TBCK: variants seen among roughly 807,000 people sequenced by gnomAD.
TBCK encodes the protein TBC1 domain containing kinase.
A neutral mutation model predicts 113.4 loss-of-function variants in TBCK; 99 were observed. The ratio of observed to expected loss-of-function variants is 0.87; its 90% CI spans 0.74 to 1.03. The LOEUF is 1.03. Ranked by LOEUF, TBCK falls within the 50% of genes least tolerant of loss-of-function variation. The probability of loss-of-function intolerance (pLI) is 0.00; values close to 1 mark genes in which losing one functional copy is unlikely to be tolerated. For missense variants in TBCK, 1,045 were observed against 1,061.3 expected (o/e 0.98, Z 0.21); for synonymous variants, 369 against 370.8 (o/e 1.00, Z 0.05).
intron 25 of TBCK, among the ~76,000 whole-genome samples, chr4:106,062,961 T>C (rs1578783130): frequency 1.3e-5 from 2 of 152,066 alleles, no homozygotes; most frequent in South Asian, 4.1e-4. Flanking sequence ...CTTTGCTTTT[T>C]ACTACACAAA....
At chr4:106,075,618 A>AATTG (rs1738094027) in intron 25 of TBCK, among the ~76,000 whole-genome samples, 1 of 152,216 alleles carries the variant, frequency 6.6e-6, no homozygotes, top group Non-Finnish European at 1.5e-5. Flanking sequence ...TGACGTATTT[A>AATTG]ATTGATTATT....
chr4:106,290,667 C>T (rs957609067), intron 3 of TBCK, among the ~76,000 whole-genome samples: 1 of 152,078 alleles, frequency 6.6e-6, no homozygotes, highest in African/African-American at 2.4e-5. Flanking sequence ...GGGTTCCCAA[C>T]CCCCCCACCA....
chr4:106,276,339 T>A (rs1470045424), intron 3 of TBCK, among the ~76,000 whole-genome samples: 2 of 152,098 alleles, frequency 1.3e-5, no homozygotes, highest in Admixed American at 6.6e-5. Context: ...GACTTCGGAG[T>A]AGGCAAAGGT....
Position 106,237,638 on chromosome 4 carries a change from T to G in TBCK, c.1171-830A>C, listed in dbSNP as rs1430787748. Reference sequence around the variant, plus strand: ...CACCCATGTGAGTTATTCCCAGAATTTTTAAAGCTTAAGAAAAATCTTTTA... The same window carrying G: ...CACCCATGTGAGTTATTCCCAGAATGTTTAAAGCTTAAGAAAAATCTTTTA... On this transcript the variant is annotated intron_variant, in intron 12 of 25. Coordinates refer to ENST00000394708, the MANE Select transcript of TBCK (RefSeq NM_001163435.3). The G allele has an allele frequency of 1.5e-5, 6 of 402,734 alleles. No homozygotes were observed. In the Admixed American group the frequency reaches 1.5e-4, roughly 10 times the overall value. 24.9% of individuals were successfully genotyped at this position (402,734 alleles called of 1,614,324 possible). A position where few individuals can be genotyped will look rare whatever the true frequency, so the allele number is the denominator to read the frequency against.
intron 19 of TBCK, among the ~76,000 whole-genome samples, chr4:106,226,252 G>GT (rs1266053733): frequency 6.6e-6 from 1 of 152,210 alleles, no homozygotes; most frequent in Admixed American, 6.5e-5. Context: ...TACAATGTAT[G>GT]TATCTGAGAT....
intron 23 of TBCK, among the ~76,000 whole-genome samples, chr4:106,150,610 A>C (rs1465546278): frequency 2.6e-5 from 4 of 152,092 alleles, no homozygotes; most frequent in Admixed American, 1.3e-4. Flanking sequence ...CACTAAAAAA[A>C]TTATTCAATA....
intron 22 of TBCK, among the ~76,000 whole-genome samples, chr4:106,174,407 A>G (rs1751388254): frequency 6.6e-6 from 1 of 152,066 alleles, no homozygotes; most frequent in Non-Finnish European, 1.5e-5. Flanking sequence ...TCTAGGGTTG[A>G]ATTTTTTTCT....
intron 25 of TBCK, among the ~76,000 whole-genome samples, chr4:106,082,873 T>G (rs1391171866): frequency 6.6e-6 from 1 of 152,178 alleles, no homozygotes; most frequent in Non-Finnish European, 1.5e-5. Flanking sequence ...GAAGGGGAAC[T>G]TCCCTCAAGC....
chr4:106,306,312 T>C lies in TBCK; in HGVS notation c.193+2456A>G, dbSNP rs542151479. Reference sequence around the variant, plus strand: ...ATTGCCCAAGCTGGTCTCAAACTCCTGGCCTCAAGCAATCTTCCTGCCTCA... The same window carrying C: ...ATTGCCCAAGCTGGTCTCAAACTCCCGGCCTCAAGCAATCTTCCTGCCTCA... On this transcript the variant is annotated intron_variant, in intron 2 of 25. Coordinates refer to ENST00000394708, the MANE Select transcript of TBCK (RefSeq NM_001163435.3). Among the ~76,000 whole-genome samples the C allele has an allele frequency of 3.5e-5, 5 of 144,912 alleles. No homozygotes were observed. In the South Asian group the frequency reaches 1.1e-3, roughly 33 times the overall value.
chr4:106,058,225 A>G (rs1204453817), intron 25 of TBCK, among the ~76,000 whole-genome samples: 1 of 151,716 alleles, frequency 6.6e-6, no homozygotes, highest in Non-Finnish European at 1.5e-5. Context: ...CATTTGATAA[A>G]TGCTACCTAG....
At chr4:106,243,707 G>A (rs560300441) in intron 11 of TBCK, among the ~76,000 whole-genome samples, 1 of 152,112 alleles carries the variant, frequency 6.6e-6, no homozygotes, top group South Asian at 2.1e-4. Flanking sequence ...ATTTTATTTT[G>A]AGACAGGGTC....
intron 25 of TBCK, among the ~76,000 whole-genome samples, chr4:106,081,512 C>T (rs373335766): frequency 6.6e-6 from 1 of 152,070 alleles, no homozygotes; most frequent in Non-Finnish European, 1.5e-5. Flanking sequence ...CACACTGGGG[C>T]CTGTTGGGGG....
At chr4:106,062,951 C>T (rs954584314) in intron 25 of TBCK, among the ~76,000 whole-genome samples, 7 of 151,918 alleles carry the variant, frequency 4.6e-5, no homozygotes, top group Admixed American at 1.3e-4. Flanking sequence ...TTCACTACTA[C>T]TTTGCTTTTT....
intron 23 of TBCK, among the ~76,000 whole-genome samples, chr4:106,157,593 G>A (rs1471024405): frequency 6.6e-6 from 1 of 152,150 alleles, no homozygotes; most frequent in Non-Finnish European, 1.5e-5. Flanking sequence ...CATTAGCTAA[G>A]TGCAGCCTGG....
At chr4:106,315,319 T>C (rs902959012) in intron 1 of TBCK, among the ~76,000 whole-genome samples, 6 of 150,970 alleles carry the variant, frequency 4.0e-5, no homozygotes, top group African/African-American at 1.5e-4. Flanking sequence ...CTTAGAGTTT[T>C]AAACGACTCG....
At chr4:106,256,260 A>G (rs760546243) in intron 5 of TBCK, among the ~76,000 whole-genome samples, 9 of 151,998 alleles carry the variant, frequency 5.9e-5, no homozygotes, top group Non-Finnish European at 1.0e-4. Flanking sequence ...GCCCCCTTCT[A>G]CCCAGGAACC....
At chr4:106,294,611 A>T (rs2125844423) in intron 3 of TBCK, among the ~76,000 whole-genome samples, 1 of 151,678 alleles carries the variant, frequency 6.6e-6, no homozygotes, top group South Asian at 2.1e-4. Context: ...CCTCCTGAGT[A>T]GCTGGGACTA....
chr4:106,168,573 A>T (rs116578641), intron 23 of TBCK, among the ~76,000 whole-genome samples: 2,205 of 152,058 alleles, frequency 0.015, 26 homozygotes, highest in Middle Eastern at 0.054. Flanking sequence ...AAATAATGTG[A>T]TCATATATGT....
Position 106,095,790 on chromosome 4 carries a change from C to A in TBCK, c.2412-149G>T, listed in dbSNP as rs9995664. On this transcript the variant is annotated intron_variant, in intron 24 of 25. Transcript: ENST00000394708. ...TTATCTAAATGAAGTAAGGCACCTC[C>A]AGGAGAAAAAAAAAAGTTAAATTTG... 526 of 518,122 alleles carry A rather than the reference C, an allele frequency of 1.0e-3. No homozygotes were observed. In the African/African-American group the frequency reaches 0.011, roughly 11 times the overall value. The allele number at this position is 518,122 out of a possible 1,614,324, so 32.1% of individuals were successfully genotyped here.
Sources: gnomAD v4.1 joint callset for allele counts (sites outside exome capture counted in the v4.1 genomes callset) on GRCh38, gnomAD v4.1.1 for gene constraint, MANE v1.5 for transcripts, NCBI Gene and HGNC (gene_info 2026-07-23, HGNC 2026-07-21) for gene names.